CSMD1: variants seen among roughly 807,000 people sequenced by gnomAD.
CSMD1 encodes the protein CUB and sushi domain-containing protein 1.
Under a neutral mutation model 417.5 loss-of-function variants are expected in CSMD1, and 213 were observed. The observed-to-expected ratio is 0.51, with a 90% CI of 0.46 to 0.57. CSMD1 has a LOEUF of 0.57. Among genes scored for constraint, CSMD1 ranks in the 20% least tolerant of loss-of-function variants. The pLI is 0.00. For synonymous variants in CSMD1, 2,862 were observed against 1,736.8 expected (o/e 1.65, Z -16.11); for missense variants, 6,923 against 4,529.7 (o/e 1.53, Z -15.17).
intron 46 of CSMD1, among the ~76,000 whole-genome samples, chr8:3,097,753 C>T (rs772554142): frequency 1.9e-4 from 29 of 151,858 alleles, no homozygotes; most frequent in African/African-American, 7.3e-5. Context: ...TGGAAAACCT[C>T]GGATCGGGGG....
At chr8:4,416,361 T>A (rs948673340) in intron 3 of CSMD1, among the ~76,000 whole-genome samples, 1 of 152,098 alleles carries the variant, frequency 6.6e-6, no homozygotes, top group Non-Finnish European at 1.5e-5. Context: ...ATATAATTCA[T>A]AAAAGCTAGA....
chr8:3,904,473 G>A lies in CSMD1; in HGVS notation c.818+93430C>T, dbSNP rs532212291. On this transcript the variant is annotated intron_variant, in intron 5 of 69. Coordinates refer to ENST00000635120, the MANE Select transcript of CSMD1 (RefSeq NM_033225.6). ...CAGAGATTTCAGTAAATGCACATTT[G>A]GCCATGGTTGTTCTACGGTGCGGCT... is the stretch of plus-strand genomic sequence containing the variant. 1.1e-4 allele frequency among the ~76,000 whole-genome samples: 17 copies of A among 152,232 alleles called. No individual in the cohort carries two copies. The South Asian group carries it at 3.3e-3, about 30-fold the overall frequency.
intron 1 of CSMD1, among the ~76,000 whole-genome samples, chr8:4,813,318 G>A (rs988392825): frequency 6.6e-6 from 1 of 151,990 alleles, no homozygotes; most frequent in Non-Finnish European, 1.5e-5. Context: ...CCGGGGCTGT[G>A]ATGAGAAATA....
intron 3 of CSMD1, among the ~76,000 whole-genome samples, chr8:4,056,018 G>T (rs944480455): frequency 1.3e-5 from 2 of 149,498 alleles, no homozygotes; most frequent in Non-Finnish European, 3.0e-5. Context: ...AGTCTACACA[G>T]ATTTCCTCCT....
chr8:3,431,883 G>T (rs1044282473), intron 12 of CSMD1, among the ~76,000 whole-genome samples: 1 of 152,098 alleles, frequency 6.6e-6, no homozygotes, highest in Non-Finnish European at 1.5e-5. Flanking sequence ...TAAGATATCG[G>T]CTGCTCTTCT....
chr8:3,948,125 T>C (rs578102204), intron 5 of CSMD1, among the ~76,000 whole-genome samples: 1 of 152,290 alleles, frequency 6.6e-6, no homozygotes, highest in East Asian at 1.9e-4. Context: ...ATAACTGCTT[T>C]AACCGAGAGG....
chr8:4,286,062 G>T (rs1797040594), intron 3 of CSMD1, among the ~76,000 whole-genome samples: 1 of 152,056 alleles, frequency 6.6e-6, no homozygotes, highest in Non-Finnish European at 1.5e-5. Flanking sequence ...ACATCCCTAA[G>T]TCCGAAATAC....
chr8:3,762,235 T>TC (rs1392799799), intron 5 of CSMD1, among the ~76,000 whole-genome samples: 8 of 151,992 alleles, frequency 5.3e-5, no homozygotes, highest in Non-Finnish European at 1.5e-5. Flanking sequence ...ACTCAGATCA[T>TC]CCCATGCGCT....
intron 3 of CSMD1, among the ~76,000 whole-genome samples, chr8:4,189,867 G>C (rs966627498): frequency 2.6e-5 from 4 of 151,958 alleles, no homozygotes; most frequent in Non-Finnish European, 5.9e-5. Context: ...TTTGTGGTAC[G>C]TAATACATAG....
chr8:4,119,730 C>T (rs1277697742), intron 3 of CSMD1, among the ~76,000 whole-genome samples: 1 of 152,158 alleles, frequency 6.6e-6, no homozygotes, highest in Non-Finnish European at 1.5e-5. Flanking sequence ...AAACTTCCAG[C>T]CTCCAAACAG....
chr8:3,518,676 A>T (rs951701074), intron 10 of CSMD1, among the ~76,000 whole-genome samples: 26 of 152,304 alleles, frequency 1.7e-4, no homozygotes, highest in African/African-American at 5.5e-4. Context: ...GAAACAACTA[A>T]TCATGCCCCA....
chr8:4,517,145 A>T (rs1050542800), intron 2 of CSMD1, among the ~76,000 whole-genome samples: 5 of 152,244 alleles, frequency 3.3e-5, no homozygotes, highest in African/African-American at 1.2e-4. Flanking sequence ...AAACATGATT[A>T]TAAGTACCTA....
chr8:4,180,458 A>C (rs1011941112), intron 3 of CSMD1, among the ~76,000 whole-genome samples: 2 of 150,898 alleles, frequency 1.3e-5, no homozygotes, highest in Non-Finnish European at 3.0e-5. Flanking sequence ...GGATAGCATT[A>C]GGAGATATGC....
intron 8 of CSMD1, among the ~76,000 whole-genome samples, chr8:3,600,894 TA>T (rs999109601): frequency 3.0e-4 from 46 of 152,226 alleles, no homozygotes; most frequent in South Asian, 1.5e-3. Context: ...TTCAATACAA[TA>T]AAAAAATGGT....
At chr8:3,707,540 G>A (rs187074768) in intron 7 of CSMD1, among the ~76,000 whole-genome samples, 2 of 152,310 alleles carry the variant, frequency 1.3e-5, no homozygotes, top group South Asian at 4.1e-4. Context: ...CAACCCACTT[G>A]GTATCTCAGT....
chr8:3,128,190 A>G (rs891463190), intron 41 of CSMD1: 4 of 152,342 alleles, frequency 2.6e-5, no homozygotes, highest in Admixed American at 2.0e-4. Context: ...AAAAATAACT[A>G]TTATTCACAT....
rs1422210769 is a variant in CSMD1 at position 3,866,463 on chromosome 8, G to C, written c.819-112421C>G. 2.6e-5 allele frequency among the ~76,000 whole-genome samples: 4 copies of C among 152,296 alleles called. No homozygotes were observed. In the East Asian group the frequency reaches 7.7e-4, roughly 29 times the overall value. ...TGATATGTTTAAATAGTGTGTGCTT[G>C]TGATATTAATATTTTACACATTTCC... On this transcript the variant is annotated intron_variant, in intron 5 of 69. Coordinates refer to ENST00000635120, the MANE Select transcript of CSMD1 (RefSeq NM_033225.6).
intron 2 of CSMD1, among the ~76,000 whole-genome samples, chr8:4,499,522 T>A (rs1393549982): frequency 6.6e-6 from 1 of 152,236 alleles, no homozygotes; most frequent in African/African-American, 2.4e-5. Context: ...AGTTACTTTA[T>A]CAACTAGTTT....
At chr8:4,135,322 G>A (rs1366168895) in intron 3 of CSMD1, among the ~76,000 whole-genome samples, 1 of 85,074 alleles carries the variant, frequency 1.2e-5, no homozygotes, top group Non-Finnish European at 2.5e-5. Flanking sequence ...GGAGGGAGGA[G>A]CGAAGGAAGG....
Sources: gnomAD v4.1 joint callset for allele counts (sites outside exome capture counted in the v4.1 genomes callset) on GRCh38, gnomAD v4.1.1 for gene constraint, MANE v1.5 for transcripts, NCBI Gene and HGNC (gene_info 2026-07-23, HGNC 2026-07-21) for gene names.